Variants in WWOX observed in about 807,000 individuals in gnomAD.
WWOX encodes WW domain containing oxidoreductase.
A neutral mutation model predicts 46.2 loss-of-function variants in WWOX; 69 were observed. The ratio of observed to expected loss-of-function variants is 1.49; its 90% CI spans 1.23 to 1.82. The LOEUF (loss-of-function observed/expected upper bound fraction) is 1.82. Ranked by LOEUF, WWOX falls within the 40% of genes most tolerant of loss-of-function variation. WWOX has a pLI of 0.00. For synonymous variants in WWOX, 359 were observed against 202.6 expected (o/e 1.77, Z -6.56); for missense variants, 919 against 542.6 (o/e 1.69, Z -6.89).
chr16:78,990,199 A>G (rs1381166058), intron 8 of WWOX, among the ~76,000 whole-genome samples: 2 of 151,126 alleles, frequency 1.3e-5, no homozygotes, highest in Non-Finnish European at 2.9e-5. Context: ...AAAAAAAAAA[A>G]AAAGAGAGAG....
chr16:78,907,662 T>C (rs1245457098), intron 8 of WWOX, among the ~76,000 whole-genome samples: 1 of 152,222 alleles, frequency 6.6e-6, no homozygotes, highest in Non-Finnish European at 1.5e-5. Flanking sequence ...TTACAATTTT[T>C]GCAAAGGCAG....
intron 8 of WWOX, among the ~76,000 whole-genome samples, chr16:78,585,028 A>T (rs1043079481): frequency 1.5e-4 from 23 of 152,198 alleles, no homozygotes; most frequent in African/African-American, 5.3e-4. Context: ...CTAATTCCCT[A>T]TTCAGCTGAG....
At chr16:78,892,526 G>C (rs1302254035) in intron 8 of WWOX, among the ~76,000 whole-genome samples, 1 of 152,198 alleles carries the variant, frequency 6.6e-6, no homozygotes. Context: ...CAAGAAGTGG[G>C]AGCTGGACGA....
At chr16:78,913,132 G>C (rs16948861) in intron 8 of WWOX, among the ~76,000 whole-genome samples, 23,780 of 151,942 alleles carry the variant, frequency 0.16, 2,305 homozygotes, top group East Asian at 0.24. Context: ...TGCCAGAAAA[G>C]ATTTTGATTT....
rs183293666 is a variant in WWOX at position 78,175,460 on chromosome 16, C to T, written c.516+11171C>T. ...ATGAATAGAATTTGGCAGAAATGGC[C>T]GGGTATGACTCCTGAGGTAGGTCCT... On this transcript the variant is annotated intron_variant, in intron 5 of 8. Coordinates refer to ENST00000566780, the MANE Select transcript of WWOX (RefSeq NM_016373.4). Among the ~76,000 whole-genome samples the T allele has an allele frequency of 2.3e-3, 355 of 152,280 alleles. 2 individuals carry two copies. The highest frequency in any genetic ancestry group is 4.1e-3 in the Non-Finnish European group (281 of 68,024).
At chr16:78,476,367 A>G (rs1451254876) in intron 8 of WWOX, among the ~76,000 whole-genome samples, 1 of 152,188 alleles carries the variant, frequency 6.6e-6, no homozygotes, top group Non-Finnish European at 1.5e-5. Context: ...CAAAAAACCA[A>G]ACACCGCATG....
rs564416761 is a variant in WWOX at position 78,958,228 on chromosome 16, AATATTTCGGTTCTTT to A, written c.1057-253377_1057-253363del. Among the ~76,000 whole-genome samples the A allele has an allele frequency of 3.6e-4, 55 of 152,314 alleles. 1 individual carries two copies. In the South Asian group the frequency reaches 0.011, roughly 32 times the overall value. ...AAACACTCAGCTCCAGCTACTTCTG[AATATTTCGGTTCTTT>A]ATTGAAATGGTCCTTTTAATGTCAT... On this transcript the variant is annotated intron_variant, in intron 8 of 8. Transcript: ENST00000566780.
chr16:78,212,388 C>T (rs1404841880), intron 5 of WWOX, among the ~76,000 whole-genome samples: 1 of 152,202 alleles, frequency 6.6e-6, no homozygotes, highest in Non-Finnish European at 1.5e-5. Context: ...TGTAATCCTA[C>T]TGTGATCCCT....
At chr16:79,090,397 G>A (rs1035132109) in intron 8 of WWOX, among the ~76,000 whole-genome samples, 2 of 151,728 alleles carry the variant, frequency 1.3e-5, no homozygotes, top group Admixed American at 1.3e-4. Flanking sequence ...CGTTCATTCA[G>A]TTATCTCACG....
intron 8 of WWOX, among the ~76,000 whole-genome samples, chr16:78,796,309 C>G (rs1190981616): frequency 6.6e-6 from 1 of 152,202 alleles, no homozygotes; most frequent in Non-Finnish European, 1.5e-5. Flanking sequence ...CCTGGAGCCT[C>G]CAAATCCTCT....
At chr16:78,620,716 G>A (rs1041210687) in intron 8 of WWOX, among the ~76,000 whole-genome samples, 5 of 151,948 alleles carry the variant, frequency 3.3e-5, no homozygotes, top group South Asian at 2.1e-4. Context: ...TTTGCACAGC[G>A]ATGGGTTAGC....
chr16:78,119,195 T>C (rs936541985), intron 4 of WWOX: 1 of 152,238 alleles, frequency 6.6e-6, no homozygotes, highest in Non-Finnish European at 1.5e-5. Flanking sequence ...TACGACTCTT[T>C]GGAGTTAGCA....
At chr16:78,997,764 T>C (rs1164464786) in intron 8 of WWOX, among the ~76,000 whole-genome samples, 1 of 152,114 alleles carries the variant, frequency 6.6e-6, no homozygotes, top group Non-Finnish European at 1.5e-5. Context: ...AGGATAGCAA[T>C]TGTAAGGTCA....
At chr16:78,609,838 G>T (rs967273702) in intron 8 of WWOX, among the ~76,000 whole-genome samples, 1 of 152,208 alleles carries the variant, frequency 6.6e-6, no homozygotes, top group East Asian at 1.9e-4. Context: ...ATTTAAAAAT[G>T]TGCGTGTTTT....
At chr16:78,743,138 G>A (rs989275329) in intron 8 of WWOX, among the ~76,000 whole-genome samples, 3 of 152,098 alleles carry the variant, frequency 2.0e-5, no homozygotes, top group African/African-American at 7.2e-5. Context: ...GTCTTTCTCT[G>A]TGTGCTGCAG....
chr16:79,140,995 G>A (rs186402906), intron 8 of WWOX, among the ~76,000 whole-genome samples: 20 of 152,234 alleles, frequency 1.3e-4, no homozygotes, highest in African/African-American at 4.3e-4. Context: ...ATAGGCGTAC[G>A]CTTAGAAAGG....
chr16:79,149,365 G>T (rs1417885385), intron 8 of WWOX, among the ~76,000 whole-genome samples: 1 of 152,124 alleles, frequency 6.6e-6, no homozygotes, highest in Admixed American at 6.5e-5. Context: ...CAGCCTTGAA[G>T]ACCTGGAATA....
intron 8 of WWOX, among the ~76,000 whole-genome samples, chr16:79,023,074 C>T (rs2047566925): frequency 6.6e-6 from 1 of 151,968 alleles, no homozygotes; most frequent in Admixed American, 6.6e-5. Flanking sequence ...CTACAATAAC[C>T]ACAATATAGC....
chr16:78,659,229 C>T (rs185867782), intron 8 of WWOX, among the ~76,000 whole-genome samples: 17 of 152,050 alleles, frequency 1.1e-4, no homozygotes, highest in African/African-American at 1.7e-4. Context: ...AATTGAGGCA[C>T]AGACAGATTC....
Sources: allele counts gnomAD v4.1 joint callset (sites outside exome capture counted in the v4.1 genomes callset), GRCh38; gene constraint gnomAD v4.1.1; transcripts MANE v1.5; gene names NCBI Gene and HGNC (gene_info 2026-07-23, HGNC 2026-07-21).